The following ECSIT variants were observed in gnomAD, a reference collection of about 807,000 sequenced individuals.
ECSIT encodes evolutionarily conserved signaling intermediate in Toll pathway, mitochondrial.
A neutral mutation model predicts 36.8 loss-of-function variants in ECSIT; 29 were observed. The ratio of observed to expected loss-of-function variants is 0.79; its 90% CI spans 0.59 to 1.08. The LOEUF (loss-of-function observed/expected upper bound fraction) is 1.08, where lower values mean the gene tolerates loss of function less well. Among genes scored for constraint, ECSIT ranks in the 50% least tolerant of loss-of-function variants. The pLI is 0.00. For missense variants in ECSIT, 542 were observed against 581.0 expected (o/e 0.93, Z 0.69); for synonymous variants, 231 against 234.8 (o/e 0.98, Z 0.15).
chr19:11,517,575 G>A (rs888533166), intron 2 of ECSIT, among the ~76,000 whole-genome samples: 2 of 152,014 alleles, frequency 1.3e-5, no homozygotes, highest in African/African-American at 4.8e-5. Context: ...CAGCCTGGGT[G>A]ACAGAGGGAG....
intron 1 of ECSIT, among the ~76,000 whole-genome samples, chr19:11,523,118 C>A (rs1476283582): frequency 6.6e-6 from 1 of 152,126 alleles, no homozygotes; most frequent in Non-Finnish European, 1.5e-5. Flanking sequence ...TCCACCACCT[C>A]TTCTGCCTCT....
rs1490755450 is a variant in ECSIT at position 11,519,126 on chromosome 19, C to T, written c.45G>A (p.Arg15=). ...CGGCCCCGCAGGTGCCTCCCCAGGC[C>T]CTACAGAGGCCTCGGGCCAGTAGGG... ...QATLLARGLC[R]AWGGTCGAAL... The change falls in exon 2 of 8, where the codon AGG becomes AGA. Residue 15 remains arginine (R), a synonymous_variant. Transcript: ENST00000270517. The surrounding 1 kb of genome is among the most constrained non-coding windows in gnomAD (Gnocchi z 4.4). The T allele has an allele frequency of 6.4e-7, 1 of 1,550,734 alleles. No homozygotes were observed. The highest frequency in any genetic ancestry group is 1.4e-5 in the African/African-American group (1 of 72,982).
chr19:11,512,807 G>C (rs1205670207), intron 4 of ECSIT, among the ~76,000 whole-genome samples: 1 of 152,104 alleles, frequency 6.6e-6, no homozygotes, highest in Non-Finnish European at 1.5e-5. Flanking sequence ...GCCAGGCATA[G>C]TGGTGTGTGA....
intron 1 of ECSIT, among the ~76,000 whole-genome samples, chr19:11,528,430 G>A (rs1972259095): frequency 6.6e-6 from 1 of 152,118 alleles, no homozygotes; most frequent in Non-Finnish European, 1.5e-5. Context: ...TTTTTGTAGA[G>A]AACAGGGTCT....
At chr19:11,511,022 G>A (rs924990761) in intron 4 of ECSIT, among the ~76,000 whole-genome samples, 9 of 146,828 alleles carry the variant, frequency 6.1e-5, no homozygotes, top group Admixed American at 5.5e-4. Context: ...TCACTGCACC[G>A]CATTTCCTGG....
Position 11,506,116 on chromosome 19 carries a change from A to G in ECSIT, c.*68T>C. 1 of 1,581,602 alleles carries G rather than the reference A, an allele frequency of 6.3e-7. No homozygotes were observed. Among genetic ancestry groups the G allele is most frequent in the South Asian group, 1.1e-5 (1 of 89,438 alleles). On this transcript the variant is annotated 3_prime_UTR_variant, in exon 8 of 8. Transcript: ENST00000270517. ...AAAACATTGATTTGCTGTACACTCA[A>G]AGGGCATCTCATGCCTTCAGTCCAC...
intron 4 of ECSIT, among the ~76,000 whole-genome samples, chr19:11,511,057 G>A (rs138958455): frequency 2.6e-5 from 4 of 151,648 alleles, no homozygotes; most frequent in Non-Finnish European, 4.4e-5. Flanking sequence ...TCTGCCCAGC[G>A]TCCTCTGCTC....
In ECSIT at chr19:11,507,508, G is replaced by C; in HGVS notation, c.1000C>G (p.Leu334Val). 1 of 1,614,030 alleles carries C rather than the reference G, an allele frequency of 6.2e-7. No homozygotes were observed. The highest frequency in any genetic ancestry group is 1.1e-5 in the South Asian group (1 of 91,078). ...TCCCAGCCACTCCTCACATACTCCA[G>C]GTCCAGCTGCATCGGGTAGTAGAGG... Reference protein sequence around the residue: ...WNLYYPMQLDLEYVRSGWDNY... With the variant: ...WNLYYPMQLDVEYVRSGWDNY... Residue 334 changes from leucine (L) to valine (V), a missense_variant, in exon 7 of 8, where the codon CTG (leucine) becomes GTG (valine). Transcript: ENST00000270517.
intron 2 of ECSIT, among the ~76,000 whole-genome samples, chr19:11,517,607 A>T (rs1166336867): frequency 6.6e-6 from 1 of 152,084 alleles, no homozygotes; most frequent in Non-Finnish European, 1.5e-5. Flanking sequence ...AAAACAAAAA[A>T]CAACTGAAAT....
intron 1 of ECSIT, among the ~76,000 whole-genome samples, chr19:11,523,023 A>AT (rs1255716024): frequency 1.3e-5 from 2 of 151,964 alleles, no homozygotes; most frequent in African/African-American, 4.8e-5. Context: ...GTGAGCTGAG[A>AT]TCCCACCACT....
rs771888221 is a variant in ECSIT, at chr19:11,506,319, G to A, written c.1161C>T (p.Ile387=). 1.2e-6 allele frequency: 2 copies of A among 1,613,424 alleles called. No homozygotes were observed. The highest frequency in any genetic ancestry group is 1.7e-5 in the Admixed American group (1 of 60,024). Residue 387 remains isoleucine, a synonymous_variant, in exon 8 of 8, where the codon ATC becomes ATT. Transcript: ENST00000270517. ...ACCCGGCGAGGCGGAAGACCACGGG[G>A]ATCTGGGCCAGGGTTGGGTTGGTCT... is the stretch of plus-strand genomic sequence containing the variant. ...LQETNPTLAQ[I]PVVFRLAGST... is the part of the protein sequence containing the mutation.
chr19:11,519,072 T>G lies in ECSIT; in HGVS notation c.96+3A>C. 2 of 1,551,350 alleles carry G rather than the reference T, an allele frequency of 1.3e-6. No individual in the cohort carries two copies. Among genetic ancestry groups the G allele is most frequent in the Non-Finnish European group, 1.7e-6 (2 of 1,146,800 alleles). ...CCCAAAAGACTGCCTGGCTGGTGCT[T>G]ACCTGAGAGATGGAGGTTCCTGTGA... is the stretch of plus-strand genomic sequence containing the variant. On this transcript the variant is annotated splice_donor_region_variant and intron_variant, in intron 2 of 7. Transcript: ENST00000270517. This position sits in a 1 kb window ranked among gnomAD's most constrained non-coding sequence, Gnocchi z 4.4.
At position 11,510,872 on chromosome 19, in the gene ECSIT, C is replaced by T. The variant is rs145187820; in HGVS notation, c.738+2184G>A. 2.6e-3 allele frequency among the ~76,000 whole-genome samples: 390 copies of T among 152,040 alleles called. 4 individuals carry two copies. The highest frequency in any genetic ancestry group is 8.8e-3 in the African/African-American group (363 of 41,452). ...GCATCCACACGGCTGCCAGGAGACA[C>T]GTTTCCAATTGCAGATTCTTCCAGA... On this transcript the variant is annotated intron_variant, in intron 4 of 7. Transcript: ENST00000270517.
rs113285175 is a variant in ECSIT, at chr19:11,510,107, T to C, written c.739-2059A>G. Among the ~76,000 whole-genome samples, 132 of 151,692 alleles carry C rather than the reference T, an allele frequency of 8.7e-4. 2 individuals are homozygous for C. Among genetic ancestry groups the C allele is most frequent in the African/African-American group, 2.9e-3 (121 of 41,364 alleles). On this transcript the variant is annotated intron_variant, in intron 4 of 7. Transcript: ENST00000270517. ...AGGCTGGTCTCGAACTCCCAACCTCTGGTGATCTGCCTGCCTCGGCCTTCC... is the reference window on the plus strand; with the variant it reads ...AGGCTGGTCTCGAACTCCCAACCTCCGGTGATCTGCCTGCCTCGGCCTTCC...
At position 11,519,254 on chromosome 19, in the gene ECSIT, G is replaced by T; in HGVS notation, c.-23-61C>A. The T allele has an allele frequency of 1.7e-6, 2 of 1,162,228 alleles. No homozygotes were observed. The highest frequency in any genetic ancestry group is 2.5e-6 in the Non-Finnish European group (2 of 804,410). The allele number at this position is 1,162,228 out of a possible 1,614,324, so 72.0% of individuals were successfully genotyped here. ...CTTACAGATGCTAACAGACGCAAGGGCCCCGCAGGGTCGAGGGCACACTCC... is the reference window on the plus strand; with the variant it reads ...CTTACAGATGCTAACAGACGCAAGGTCCCCGCAGGGTCGAGGGCACACTCC... On this transcript the variant is annotated intron_variant, in intron 1 of 7. Transcript: ENST00000270517. This position sits in a 1 kb window ranked among gnomAD's most constrained non-coding sequence, Gnocchi z 4.4.
In ECSIT at chr19:11,514,187, C is replaced by T; in HGVS notation, c.131G>A (p.Ser44Asn). Residue 44 changes from serine to asparagine, a missense_variant, in exon 3 of 8, where the codon AGC (serine) becomes AAC (asparagine). By Grantham distance (46) the Ser-to-Asn change is conservative (BLOSUM62 1). Coordinates refer to ENST00000270517, the MANE Select transcript of ECSIT (RefSeq NM_016581.5). ...CTGTTCAGAGCTATGGGCAGCTGCGCTGCAGTGGAGGCCCCGAGGGAGCCG... is the reference window on the plus strand; with the variant it reads ...CTGTTCAGAGCTATGGGCAGCTGCGTTGCAGTGGAGGCCCCGAGGGAGCCG... ...PRRLPRGLHC[S>N]AAAHSSEQSL... 6.2e-7 allele frequency: 1 copy of T among 1,608,832 alleles called. No homozygotes were observed. The highest frequency in any genetic ancestry group is 1.1e-5 in the South Asian group (1 of 90,730).
rs34929827 is a variant in ECSIT, at chr19:11,508,383, A to ATT, written c.739-337_739-336dup. ...GGGATGATAACAGCACTTAATTCCG[A>ATT]TTTTTTTTTTTTTTTTAGGGATGGG... is the stretch of plus-strand genomic sequence containing the variant. On this transcript the variant is annotated intron_variant, in intron 4 of 7. Coordinates refer to ENST00000270517, the MANE Select transcript of ECSIT (RefSeq NM_016581.5). Among the ~76,000 whole-genome samples the ATT allele has an allele frequency of 2.5e-4, 31 of 124,028 alleles. 2 individuals carry two copies. Among genetic ancestry groups the ATT allele is most frequent in the African/African-American group, 6.1e-4 (17 of 27,694 alleles). The allele number at this position is 124,028 out of a possible 152,430, so 81.4% of individuals were successfully genotyped here.
At chr19:11,518,538 C>T (rs1972042379) in intron 2 of ECSIT, among the ~76,000 whole-genome samples, 1 of 152,044 alleles carries the variant, frequency 6.6e-6, no homozygotes, top group Non-Finnish European at 1.5e-5. Flanking sequence ...GCAGTGAGCC[C>T]TGATTCCACC....
chr19:11,505,987 C>G lies in ECSIT; in HGVS notation c.*197G>C. The G allele has an allele frequency of 9.9e-7, 1 of 1,005,800 alleles. No individual in the cohort carries two copies. The highest frequency in any genetic ancestry group is 1.4e-6 in the Non-Finnish European group (1 of 696,128). 62.3% of individuals were successfully genotyped at this position (1,005,800 alleles called of 1,614,324 possible). A position where few individuals can be genotyped will look rare whatever the true frequency, so the allele number is the denominator to read the frequency against. ...ATTTGAATTCGGAGAACCAGAGGCGCCTGCAGATTCTGGAGGGGTCTCGCC... is the reference window on the plus strand; with the variant it reads ...ATTTGAATTCGGAGAACCAGAGGCGGCTGCAGATTCTGGAGGGGTCTCGCC... On this transcript the variant is annotated 3_prime_UTR_variant, in exon 8 of 8. Transcript: ENST00000270517.
Sources: allele counts gnomAD v4.1 joint callset (sites outside exome capture counted in the v4.1 genomes callset), GRCh38; gene constraint gnomAD v4.1.1; non-coding constraint Gnocchi (gnomAD v3.1); transcripts MANE v1.5; gene names NCBI Gene and HGNC (gene_info 2026-07-23, HGNC 2026-07-21).